The following CD200R1 variants were observed in gnomAD, a reference collection of about 807,000 sequenced individuals.
The protein encoded by CD200R1 is cell surface glycoprotein CD200 receptor 1.
In CD200R1, 30 loss-of-function variants were observed where a neutral mutation model predicts 38.1. The ratio of observed to expected loss-of-function variants is 0.79; its 90% CI spans 0.59 to 1.07. The LOEUF (loss-of-function observed/expected upper bound fraction) is 1.07. Ranked by LOEUF, CD200R1 falls within the 50% of genes least tolerant of loss-of-function variation. The pLI is 0.00. For synonymous variants in CD200R1, 128 were observed against 152.1 expected, an observed-to-expected ratio of 0.84 and a Z score of 1.16; for missense variants, 372 against 415.4, an observed-to-expected ratio of 0.90 and a Z score of 0.91.
intron 7 of CD200R1, 92 bp downstream of exon 7, chr3:112,924,398 A>G (rs1213387462): frequency 2.0e-6 from 2 of 998,704 alleles, no homozygotes; most frequent in Non-Finnish European, 1.3e-6. Context: ...TTTCAACTGA[A>G]ACACTAATAT....
chr3:112,967,439 T>C (rs1199687671), intron 1 of CD200R1, among the ~76,000 whole-genome samples: 1 of 152,242 alleles, frequency 6.6e-6, no homozygotes, highest in Admixed American at 6.5e-5. Context: ...TCAAACCAGA[T>C]TAGACTCACC....
chr3:112,929,478 T>C lies in CD200R1; in HGVS notation c.232A>G (p.Thr78Ala), dbSNP rs1218405044. 7 of 1,613,546 alleles carry C rather than the reference T, an allele frequency of 4.3e-6. No homozygotes were observed. In the African/African-American group the frequency reaches 8.0e-5, roughly 18 times the overall value. The change falls in exon 4 of 8, where the codon ACA (threonine) becomes GCA (alanine). Residue 78 changes from threonine (T) to alanine (A), a missense_variant. Coordinates refer to ENST00000308611, the MANE Select transcript of CD200R1 (RefSeq NM_138806.4). ...GGAGGGCAACAAAGCACAGCATTTG[T>C]AGCCATCTTTACAGGCCATGAAGTG... is the stretch of plus-strand genomic sequence containing the variant. ...VNTSWPVKMA[T>A]NAVLCCPPIA... is the part of the protein sequence containing the mutation.
rs759384530 is a variant in CD200R1 at position 112,929,268 on chromosome 3, T to G, written c.442A>C (p.Thr148Pro). 3 of 1,614,122 alleles carry G rather than the reference T, an allele frequency of 1.9e-6. No homozygotes were observed. In the East Asian group the frequency reaches 6.7e-5, roughly 36 times the overall value. Residue 148 changes from threonine (T) to proline (P), a missense_variant, in exon 4 of 8, where the codon ACT (threonine) becomes CCT (proline). Thr to Pro is a conservative substitution (Grantham distance 38, BLOSUM62 -1). Transcript: ENST00000308611. ...SDLQIRTVAITHDGYYRCIMV... is the reference protein window; with the variant it reads ...SDLQIRTVAIPHDGYYRCIMV... ...ATGCATCTGTAATACCCGTCATGAG[T>G]GATGGCCACGGTACGAATCTGAAGG...
intron 1 of CD200R1, among the ~76,000 whole-genome samples, chr3:112,968,164 T>C (rs1159661038): frequency 6.6e-6 from 1 of 152,182 alleles, no homozygotes; most frequent in African/African-American, 2.4e-5. Context: ...AATTAGTGTC[T>C]AGAAATTTTA....
intron 1 of CD200R1, among the ~76,000 whole-genome samples, chr3:112,967,369 C>T (rs77720467): frequency 0.018 from 2,753 of 152,278 alleles, 46 homozygotes; most frequent in Non-Finnish European, 0.029. Flanking sequence ...CTTCTTACCT[C>T]GCTGTTTCTG....
intron 2 of CD200R1, among the ~76,000 whole-genome samples, chr3:112,932,828 AC>A: frequency 6.6e-6 from 1 of 152,086 alleles, no homozygotes; most frequent in Admixed American, 6.5e-5. Flanking sequence ...AAACAGCCCC[AC>A]AAGCTCACTG....
chr3:112,954,019 G>A (rs1374368002), intron 1 of CD200R1, among the ~76,000 whole-genome samples: 1 of 151,852 alleles, frequency 6.6e-6, no homozygotes, highest in Non-Finnish European at 1.5e-5. Context: ...TCAACATTCG[G>A]TTGTTTATTT....
At chr3:112,936,358 A>G (rs781101644) in intron 2 of CD200R1, among the ~76,000 whole-genome samples, 9 of 152,130 alleles carry the variant, frequency 5.9e-5, no homozygotes, top group Non-Finnish European at 8.8e-5. Context: ...TTCTGCCTCT[A>G]TGTCTTTGAT....
chr3:112,945,536 C>T (rs1401739919), intron 2 of CD200R1, among the ~76,000 whole-genome samples: 1 of 152,124 alleles, frequency 6.6e-6, no homozygotes, highest in Non-Finnish European at 1.5e-5. Flanking sequence ...AGACCTCACA[C>T]CTTTCACAAA....
At chr3:112,957,295 A>G (rs1278043632) in intron 1 of CD200R1, among the ~76,000 whole-genome samples, 1 of 152,242 alleles carries the variant, frequency 6.6e-6, no homozygotes, top group Non-Finnish European at 1.5e-5. Context: ...ATTGATGTTT[A>G]TATGGGGGAA....
rs181638997 is a variant in CD200R1, at chr3:112,947,180, T to C, written c.136+676A>G. ...GATTTTTAGGTCAGTGAAATTACTCTATAAAATATTATCATGGTGGAGACA... is the reference window on the plus strand; with the variant it reads ...GATTTTTAGGTCAGTGAAATTACTCCATAAAATATTATCATGGTGGAGACA... On this transcript the variant is annotated intron_variant, in intron 2 of 7. Coordinates refer to ENST00000308611, the MANE Select transcript of CD200R1 (RefSeq NM_138806.4). Among the ~76,000 whole-genome samples the C allele has an allele frequency of 2.0e-5, 3 of 152,318 alleles. No individual in the cohort carries two copies. The East Asian group carries it at 5.8e-4, about 29-fold the overall frequency.
At chr3:112,961,304 A>C (rs1031827903) in intron 1 of CD200R1, among the ~76,000 whole-genome samples, 2 of 152,100 alleles carry the variant, frequency 1.3e-5, no homozygotes, top group African/African-American at 2.4e-5. Context: ...GATAAATACT[A>C]TTATAAGAAC....
chr3:112,924,913 A>G (rs1361458045), intron 6 of CD200R1, among the ~76,000 whole-genome samples, 172 bp downstream of exon 6: 1 of 152,088 alleles, frequency 6.6e-6, no homozygotes, highest in Non-Finnish European at 1.5e-5. Context: ...GCAACCTAGC[A>G]AAGTCTCTCT....
At chr3:112,941,868 A>T (rs2107318444) in intron 2 of CD200R1, among the ~76,000 whole-genome samples, 1 of 151,696 alleles carries the variant, frequency 6.6e-6, no homozygotes, top group Non-Finnish European at 1.5e-5. Context: ...CCAAGAAGAA[A>T]AGAAAAGAAT....
intron 1 of CD200R1, among the ~76,000 whole-genome samples, chr3:112,948,659 C>A (rs1035170462): frequency 1.3e-5 from 2 of 152,190 alleles, no homozygotes; most frequent in Non-Finnish European, 2.9e-5. Flanking sequence ...GCGGCCCAAT[C>A]CCTAATAGGC....
chr3:112,940,657 T>G (rs74427285), intron 2 of CD200R1, among the ~76,000 whole-genome samples: 4,308 of 151,764 alleles, frequency 0.028, 195 homozygotes, highest in East Asian at 0.22. Context: ...AAATAAATGT[T>G]GGTGAGGATG....
chr3:112,972,437 T>A (rs1933332732), intron 1 of CD200R1, among the ~76,000 whole-genome samples: 2 of 152,242 alleles, frequency 1.3e-5, no homozygotes, highest in Non-Finnish European at 2.9e-5. Flanking sequence ...TCCTTTTTAG[T>A]AACTCATAAT....
Position 112,929,321 on chromosome 3 carries a change from C to T in CD200R1, c.389G>A (p.Trp130Ter), listed in dbSNP as rs1940365698. ...ETNCTDERIT[W>*]VSRPDQNSDL... ...CGAATTCTGATCAGGTCTGGAGACC[C>T]AGGTTATTCTCTCATCAGTACAGTT... is the stretch of plus-strand genomic sequence containing the variant. The change falls in exon 4 of 8, where the codon TGG becomes TAG. Residue 130 changes from tryptophan (W) to a stop codon, truncating the protein, a stop_gained. Coordinates refer to ENST00000308611, the MANE Select transcript of CD200R1 (RefSeq NM_138806.4). LOFTEE classifies it high-confidence loss of function. 1.2e-6 allele frequency: 2 copies of T among 1,614,114 alleles called. No homozygotes were observed.
chr3:112,948,602 G>C (rs1940914050), intron 1 of CD200R1, among the ~76,000 whole-genome samples: 1 of 152,184 alleles, frequency 6.6e-6, no homozygotes, highest in Non-Finnish European at 1.5e-5. Context: ...ACAAGAGGTG[G>C]AGCTCAGGCC....
Sources: allele counts gnomAD v4.1 joint callset (sites outside exome capture counted in the v4.1 genomes callset), GRCh38; gene constraint gnomAD v4.1.1; transcripts MANE v1.5; gene names NCBI Gene and HGNC (gene_info 2026-07-23, HGNC 2026-07-21).